The following SLC6A4 variants were observed in gnomAD, a reference collection of about 807,000 sequenced individuals.
SLC6A4 encodes sodium-dependent serotonin transporter.
SLC6A4 carries 22 observed loss-of-function variants against 73.4 expected under a neutral mutation model. The ratio of observed to expected loss-of-function variants is 0.30; its 90% CI spans 0.21 to 0.43. The LOEUF is 0.43. Ranked by LOEUF, SLC6A4 falls within the 20% of genes least tolerant of loss-of-function variation. SLC6A4 has a pLI of 1.00. For missense variants in SLC6A4, 593 were observed against 808.5 expected, an observed-to-expected ratio of 0.73 and a Z score of 3.23; for synonymous variants, 270 against 315.5, an observed-to-expected ratio of 0.86 and a Z score of 1.53.
chr17:30,214,918 C>G lies in SLC6A4; in HGVS notation c.1076+693G>C, dbSNP rs1369725505. 2.0e-5 allele frequency among the ~76,000 whole-genome samples: 3 copies of G among 151,936 alleles called. No homozygotes were observed. The East Asian group carries it at 5.8e-4, about 29-fold the overall frequency. On this transcript the variant is annotated intron_variant, in intron 8 of 14. Coordinates refer to ENST00000650711, the MANE Select transcript of SLC6A4 (RefSeq NM_001045.6). ...AAAGTGTTGAGATTACAGGTGGGAG[C>G]CACCGCACCCCGTCTCTCTCTTTCT...
chr17:30,212,746 C>T lies in SLC6A4; in HGVS notation c.1198G>A (p.Asp400Asn), dbSNP rs779526325. 17 of 1,614,206 alleles carry T rather than the reference C, an allele frequency of 1.1e-5. No individual in the cohort carries two copies. The Admixed American group carries it at 2.8e-4, about 27-fold the overall frequency. The stretch of plus-strand genomic sequence containing the variant: ...ATAGAACCCGAGGTCCTACCTGCGT[C>T]TTTGGCCACCTCAGACACATCTTCA... ...RNEDVSEVAK[D>N]AGPSLLFITY... The change falls in exon 9 of 15, where the codon GAC becomes AAC. Residue 400 changes from aspartate (D) to asparagine (N), a missense_variant. Coordinates refer to ENST00000650711, the MANE Select transcript of SLC6A4 (RefSeq NM_001045.6).
intron 8 of SLC6A4, among the ~76,000 whole-genome samples, chr17:30,215,199 T>C (rs1270676434): frequency 6.6e-6 from 1 of 152,108 alleles, no homozygotes; most frequent in Non-Finnish European, 1.5e-5. Context: ...TGCAACACCA[T>C]GCCTGGCTAA....
At chr17:30,230,102 GA>G in intron 1 of SLC6A4, among the ~76,000 whole-genome samples, 2 of 116,110 alleles carry the variant, frequency 1.7e-5, no homozygotes, top group African/African-American at 7.8e-5. Flanking sequence ...AGAAGAGGAG[GA>G]AGAGGAAGAG....
chr17:30,200,975 G>A (rs1179667626), intron 14 of SLC6A4, among the ~76,000 whole-genome samples: 1 of 152,036 alleles, frequency 6.6e-6, no homozygotes, highest in Non-Finnish European at 1.5e-5. Flanking sequence ...AGAGACGGGG[G>A]TTTCACCATG....
In SLC6A4 at chr17:30,217,283, G is replaced by T; in HGVS notation, c.720C>A (p.His240Gln). ...CCAGGTCCTGGAGCCCCTTAGACCG[G>T]TGGATCTGCAGGACGTGGCGCCTGG... is the stretch of plus-strand genomic sequence containing the variant. Reference protein sequence around the residue: ...EFYTRHVLQIHRSKGLQDLGG... With the variant: ...EFYTRHVLQIQRSKGLQDLGG... Residue 240 changes from histidine (H) to glutamine (Q), a missense_variant, in exon 6 of 15, where the codon CAC becomes CAA. Transcript: ENST00000650711. The T allele has an allele frequency of 6.2e-7, 1 of 1,614,080 alleles. No homozygotes were observed. The highest frequency in any genetic ancestry group is 8.5e-7 in the Non-Finnish European group (1 of 1,179,988).
In SLC6A4 at chr17:30,207,236, G is replaced by A. The variant is rs184306000; in HGVS notation, c.1650+496C>T. 1.8e-4 allele frequency among the ~76,000 whole-genome samples: 28 copies of A among 152,250 alleles called. 1 individual carries two copies. Among genetic ancestry groups the A allele is most frequent in the Admixed American group, 1.8e-3 (28 of 15,288 alleles). On this transcript the variant is annotated intron_variant, in intron 13 of 14. Transcript: ENST00000650711. ...ACCATGGTGGGCATAGTGGCTGGGAGGGGGCACAAGAGGGGCTTCTGAAGT... is the reference window on the plus strand; with the variant it reads ...ACCATGGTGGGCATAGTGGCTGGGAAGGGGCACAAGAGGGGCTTCTGAAGT...
At position 30,207,580 on chromosome 17, in the gene SLC6A4, G is replaced by C. The variant is rs189087995; in HGVS notation, c.1650+152C>G. 1.6e-5 allele frequency: 9 copies of C among 557,096 alleles called. No homozygotes were observed. In the Admixed American group the frequency reaches 2.8e-4, roughly 18 times the overall value. The allele number at this position is 557,096 out of a possible 1,614,324, so 34.5% of individuals were successfully genotyped here. On this transcript the variant is annotated intron_variant, in intron 13 of 14. Coordinates refer to ENST00000650711, the MANE Select transcript of SLC6A4 (RefSeq NM_001045.6). ...TTTTTGTATTTTTTTAAGTAGAGACGGGGTTTTGCCATGTTGGCCGCCTGC... is the reference window on the plus strand; with the variant it reads ...TTTTTGTATTTTTTTAAGTAGAGACCGGGTTTTGCCATGTTGGCCGCCTGC...
chr17:30,222,103 G>A, intron 2 of SLC6A4, 22 bp from the exon 3 acceptor site: 2 of 1,501,776 alleles, frequency 1.3e-6, no homozygotes, highest in Non-Finnish European at 1.8e-6. Flanking sequence ...ACACACAGAG[G>A]AAGGAGAAAA....
rs1395957225 is a variant in SLC6A4 at position 30,215,592 on chromosome 17, G to A, written c.1076+19C>T. On this transcript the variant is annotated intron_variant, in intron 8 of 14. Transcript: ENST00000650711. ...CTCACGCCACTTTCAAGCTTTGCTT[G>A]GGGACCCCAGATACTCACTGGTAGC... is the stretch of plus-strand genomic sequence containing the variant. The A allele has an allele frequency of 2.5e-6, 4 of 1,595,232 alleles. No homozygotes were observed. The highest frequency in any genetic ancestry group is 3.4e-6 in the Non-Finnish European group (4 of 1,162,844).
rs201420456 is a variant in SLC6A4 at position 30,207,839 on chromosome 17, C to T, written c.1550-7G>A. Reference sequence around the variant, plus strand: ...CTGCAGAACTGAGTGATGCCTGGAACCGCCCAAGGGGAAGAGAGGCAGAGA... The same window carrying T: ...CTGCAGAACTGAGTGATGCCTGGAATCGCCCAAGGGGAAGAGAGGCAGAGA... On this transcript the variant is annotated splice_polypyrimidine_tract_variant and splice_region_variant and intron_variant, in intron 12 of 14. Transcript: ENST00000650711. The T allele has an allele frequency of 6.2e-7, 1 of 1,609,164 alleles. No homozygotes were observed. The highest frequency in any genetic ancestry group is 2.2e-5 in the East Asian group (1 of 44,834).
At chr17:30,231,442 T>C (rs1257283271) in intron 1 of SLC6A4, among the ~76,000 whole-genome samples, 1 of 151,382 alleles carries the variant, frequency 6.6e-6, no homozygotes, top group Non-Finnish European at 1.5e-5. Flanking sequence ...TGTATATATA[T>C]ATCTGTATGT....
intron 1 of SLC6A4, among the ~76,000 whole-genome samples, chr17:30,232,784 G>A (rs192210968): frequency 5.3e-5 from 8 of 152,294 alleles, no homozygotes; most frequent in Admixed American, 1.3e-4. Flanking sequence ...ATGAGCATTC[G>A]TCTTCCCAGT....
At chr17:30,221,255 G>A (rs1376698841) in intron 3 of SLC6A4, among the ~76,000 whole-genome samples, 1 of 152,092 alleles carries the variant, frequency 6.6e-6, no homozygotes, top group Non-Finnish European at 1.5e-5. Flanking sequence ...GGGATTACAG[G>A]TGTGAGCCAC....
intron 13 of SLC6A4, among the ~76,000 whole-genome samples, chr17:30,207,206 G>A (rs1597634611): frequency 6.6e-6 from 1 of 152,130 alleles, no homozygotes. Flanking sequence ...TCAGAAGGGT[G>A]GGGAACCATG....
At position 30,218,166 on chromosome 17, in the gene SLC6A4, T is replaced by A. The variant is rs201506679; in HGVS notation, c.650A>T (p.Asn217Ile). The change falls in exon 5 of 15, where the codon AAC becomes ATC. Residue 217 changes from asparagine to isoleucine, a missense_variant. Transcript: ENST00000650711. ...GNCTNYFSED[N>I]ITWTLHSTSP... is the part of the protein sequence containing the mutation. ...CGTGGAATGGAGGGTCCAGGTGATG[T>A]TGTCCTCGGAGAAGTAATTGGTGCA... 6.2e-7 allele frequency: 1 copy of A among 1,614,192 alleles called. No individual in the cohort carries two copies. Among genetic ancestry groups the A allele is most frequent in the Non-Finnish European group, 8.5e-7 (1 of 1,180,024 alleles).
intron 12 of SLC6A4, among the ~76,000 whole-genome samples, chr17:30,208,805 C>A (rs926155627): frequency 6.6e-6 from 1 of 152,190 alleles, no homozygotes; most frequent in Non-Finnish European, 1.5e-5. Context: ...AATTCTCCTG[C>A]CTCAGCCTCC....
intron 6 of SLC6A4, 105 bp from the exon 7 acceptor site, chr17:30,216,321 G>C (rs1906573755): frequency 3.8e-6 from 2 of 521,724 alleles, no homozygotes; most frequent in South Asian, 5.6e-5. Context: ...AGGGAGGTGG[G>C]TGAATGGATG....
At position 30,215,696 on chromosome 17, in the gene SLC6A4, C is replaced by A. The variant is rs201425535; in HGVS notation, c.991G>T (p.Ala331Ser). The A allele has an allele frequency of 2.0e-5, 32 of 1,613,996 alleles. 1 individual carries two copies. The Admixed American group carries it at 5.3e-4, about 27-fold the overall frequency. Residue 331 changes from alanine (A) to serine (S), a missense_variant, in exon 8 of 15, where the codon GCT becomes TCT. By Grantham distance (99) the Ala-to-Ser change is moderately conservative. Coordinates refer to ENST00000650711, the MANE Select transcript of SLC6A4 (RefSeq NM_001045.6). ...LETGVWIDAA[A>S]QIFFSLGPGF... ...GGACCAAGAGAGAAGAAGATCTGAG[C>A]GGCTGCATCTATCCACACCTGGAAC...
chr17:30,221,982 G>A lies in SLC6A4; in HGVS notation c.-24C>T. ...ATCCTGCTGGTTAGTAAATGACACT[G>A]ATGTCCATCTGCCAAGGATCCCAAT... On this transcript the variant is annotated 5_prime_UTR_variant, in exon 3 of 15. An upstream open reading frame in the 5' UTR gains an earlier in-frame stop. Transcript: ENST00000650711. 6.2e-7 allele frequency: 1 copy of A among 1,613,846 alleles called. No homozygotes were observed. The highest frequency in any genetic ancestry group is 1.6e-4 in the Middle Eastern group (1 of 6,062).
Sources: gnomAD v4.1 joint callset for allele counts (sites outside exome capture counted in the v4.1 genomes callset) on GRCh38, gnomAD v4.1.1 for gene constraint, MANE v1.5 for transcripts, NCBI Gene and HGNC (gene_info 2026-07-23, HGNC 2026-07-21) for gene names.